FAM199X: variants seen among roughly 807,000 people sequenced by gnomAD.
FAM199X encodes the protein protein FAM199X.
A neutral mutation model predicts 22.9 loss-of-function variants in FAM199X; 4 were observed. That is an observed-to-expected ratio of 0.17 (90% CI 0.09 to 0.40). The LOEUF is 0.40. Ranked by LOEUF, FAM199X falls within the 10% of genes least tolerant of loss-of-function variation. The pLI is 1.00. For missense variants in FAM199X, 183 were observed against 306.8 expected (o/e 0.60, Z 3.01); for synonymous variants, 101 against 112.3 (o/e 0.90, Z 0.64).
chrX:104,165,299 A>T (rs1921137070), upstream of FAM199X, among the ~76,000 whole-genome samples: 2 of 112,399 alleles, frequency 1.8e-5, no homozygotes, highest in Admixed American at 9.4e-5. Flanking sequence ...ACGTTGGAGA[A>T]GCTGTTTTCA....
chrX:104,183,010 T>C (rs1355813054), intron 2 of FAM199X, among the ~76,000 whole-genome samples: 1 of 110,422 alleles, frequency 9.1e-6, no homozygotes, highest in African/African-American at 3.3e-5. Flanking sequence ...TTTTTACTTA[T>C]CCCTGAAAAA....
chrX:104,181,942 A>G (rs1921665038), intron 2 of FAM199X, among the ~76,000 whole-genome samples: 1 of 105,668 alleles, frequency 9.5e-6, no homozygotes, highest in Non-Finnish European at 2.0e-5. Flanking sequence ...TACCTTATCC[A>G]TTCAGTTATC....
At chrX:104,167,103 T>G (rs1379192166) in intron 1 of FAM199X, 121 bp downstream of exon 1, 53 of 588,906 alleles carry the variant, frequency 9.0e-5, no homozygotes, top group Middle Eastern at 4.2e-4. Flanking sequence ...CGACCAGCGC[T>G]CATTCCCGGC....
chrX:104,172,239 CAAA>C (rs782684130), intron 1 of FAM199X, among the ~76,000 whole-genome samples: 3 of 63,764 alleles, frequency 4.7e-5, no homozygotes. Flanking sequence ...CTTTCTCTTC[CAAA>C]AAAAAAAAAA....
chrX:104,181,088 A>G (rs1921641216), intron 2 of FAM199X, among the ~76,000 whole-genome samples: 1 of 112,491 alleles, frequency 8.9e-6, no homozygotes, highest in Non-Finnish European at 1.9e-5. Context: ...TAGAAAATTT[A>G]AACAGTGAGT....
intron 2 of FAM199X, among the ~76,000 whole-genome samples, chrX:104,179,719 A>C (rs1301419450): frequency 9.0e-6 from 1 of 110,645 alleles, no homozygotes; most frequent in Non-Finnish European, 1.9e-5. Flanking sequence ...TCTTTTTCCT[A>C]ATCTTAGGGG....
chrX:104,166,855 C>G lies in FAM199X; in HGVS notation c.70C>G (p.Leu24Val). Residue 24 changes from leucine (L) to valine (V), a missense_variant, in exon 1 of 6, where the codon CTG becomes GTG. Physicochemically the swap from Leu to Val is conservative, Grantham distance 32. Coordinates refer to ENST00000493442, the MANE Select transcript of FAM199X (RefSeq NM_207318.4). ...AACCCCCGAGGAGCCCTTCCCACTC[C>G]TGGGACCTCCTCGCGGGGTGGGCAC... is the stretch of plus-strand genomic sequence containing the variant. ...FLTPEEPFPL[L>V]GPPRGVGTCP... 1.7e-6 allele frequency: 2 copies of G among 1,207,664 alleles called. No homozygotes were observed. The highest frequency in any genetic ancestry group is 2.2e-6 in the Non-Finnish European group (2 of 893,074).
At chrX:104,162,790 A>G (rs1350980148), upstream of FAM199X, among the ~76,000 whole-genome samples, 2 of 111,882 alleles carry the variant, frequency 1.8e-5, no homozygotes, top group Admixed American at 9.5e-5. Context: ...CACCTCTTCA[A>G]TGGAAAGCAT....
intron 1 of FAM199X, among the ~76,000 whole-genome samples, chrX:104,170,854 A>G (rs111743149): frequency 4.9e-4 from 55 of 111,704 alleles, no homozygotes; most frequent in African/African-American, 1.8e-3. Context: ...TTAAGTGGGT[A>G]GAAGAAGGGG....
At chrX:104,178,327 C>T (rs1312592171) in intron 2 of FAM199X, among the ~76,000 whole-genome samples, 1 of 110,498 alleles carries the variant, frequency 9.0e-6, no homozygotes, top group African/African-American at 3.3e-5. Context: ...CCACCAAACC[C>T]GGCTAATTTT....
In FAM199X at chrX:104,193,553, T is replaced by C. The variant is rs1244325636; in HGVS notation, c.*3775T>C. The C allele has an allele frequency of 1.0e-5, 1 of 97,890 alleles. No homozygotes were observed. The highest frequency in any genetic ancestry group is 2.1e-5 in the Non-Finnish European group (1 of 48,706). The allele number at this position is 97,890 out of a possible 1,213,427, so 8.1% of individuals were successfully genotyped here. A position where few individuals can be genotyped will look rare whatever the true frequency, so the allele number is the denominator to read the frequency against. On this transcript the variant is annotated 3_prime_UTR_variant, in exon 6 of 6. Transcript: ENST00000493442. ...TTAACAAATGAACTTTTAGCACTTC[T>C]GTCTTCAAGGAAAAACATTTGTTTG... is the stretch of plus-strand genomic sequence containing the variant.
intron 4 of FAM199X, among the ~76,000 whole-genome samples, chrX:104,187,790 G>C (rs1447468810): frequency 8.9e-5 from 10 of 111,888 alleles, no homozygotes; most frequent in Admixed American, 3.8e-4. Flanking sequence ...CTGAAGGCGA[G>C]TAGCCTTCCA....
intron 2 of FAM199X, among the ~76,000 whole-genome samples, chrX:104,178,730 T>A (rs1335999533): frequency 1.8e-5 from 2 of 112,282 alleles, no homozygotes; most frequent in Admixed American, 1.9e-4. Flanking sequence ...CTAAATTATA[T>A]TCCATTGATG....
chrX:104,184,078 A>G (rs1921733671), intron 2 of FAM199X, among the ~76,000 whole-genome samples: 1 of 112,182 alleles, frequency 8.9e-6, no homozygotes, highest in Non-Finnish European at 1.9e-5. Context: ...ATTTCCATTG[A>G]TGACCTGTCA....
upstream of FAM199X, among the ~76,000 whole-genome samples, chrX:104,164,940 TC>T (rs1167019734): frequency 8.9e-6 from 1 of 112,077 alleles, no homozygotes; most frequent in Non-Finnish European, 1.9e-5. Flanking sequence ...TATTAACAGT[TC>T]CTGGTGCTAT....
chrX:104,172,330 G>A (rs1332569742), intron 1 of FAM199X, among the ~76,000 whole-genome samples: 1 of 107,146 alleles, frequency 9.3e-6, no homozygotes, highest in East Asian at 2.9e-4. Context: ...GAGGTGAGAG[G>A]ATGAATCAAG....
chrX:104,175,941 T>A, intron 2 of FAM199X, 99 bp downstream of exon 2: 1 of 583,945 alleles, frequency 1.7e-6, no homozygotes, highest in Non-Finnish European at 2.6e-6. Context: ...TAAATTTCTC[T>A]AATGTTTATC....
At chrX:104,186,694 CA>C in intron 4 of FAM199X, 73 bp downstream of exon 4, 1 of 975,205 alleles carries the variant, frequency 1.0e-6, no homozygotes, top group Non-Finnish European at 1.4e-6. Flanking sequence ...CTAAAATAAT[CA>C]TGTGTAAATA....
chrX:104,158,274 G>A, the FAM199X span, among the ~76,000 whole-genome samples: 2 of 111,158 alleles, frequency 1.8e-5, no homozygotes, highest in Non-Finnish European at 3.8e-5. Context: ...ACCCACTAAG[G>A]CAAAGATCTC....
Sources: allele counts gnomAD v4.1 joint callset (sites outside exome capture counted in the v4.1 genomes callset), GRCh38; gene constraint gnomAD v4.1.1; transcripts MANE v1.5; gene names NCBI Gene and HGNC (gene_info 2026-07-23, HGNC 2026-07-21).